Variants in RHOH observed in about 807,000 individuals in gnomAD.
RHOH encodes the protein rho-related GTP-binding protein RhoH.
A neutral mutation model predicts 13.8 loss-of-function variants in RHOH; 6 were observed. The ratio of observed to expected loss-of-function variants is 0.44; its 90% CI spans 0.24 to 0.86. RHOH has a LOEUF of 0.86. Among genes scored for constraint, RHOH ranks in the 40% least tolerant of loss-of-function variants. RHOH has a pLI of 0.24. For missense variants in RHOH, 147 were observed against 244.5 expected (o/e 0.60, Z 2.66); for synonymous variants, 117 against 103.0 (o/e 1.14, Z -0.82).
intron 1 of RHOH, among the ~76,000 whole-genome samples, chr4:40,214,020 G>T (rs1360774568): frequency 1.3e-5 from 2 of 152,170 alleles, no homozygotes; most frequent in East Asian, 3.8e-4. Flanking sequence ...GCTTCCCAAA[G>T]TGTTGGGATT....
At chr4:40,213,678 G>T (rs1479035009) in intron 1 of RHOH, among the ~76,000 whole-genome samples, 1 of 151,986 alleles carries the variant, frequency 6.6e-6, no homozygotes, top group East Asian at 1.9e-4. Flanking sequence ...CACTCAGATG[G>T]GTCATCTGAG....
At chr4:40,202,236 C>T (rs532583014) in intron 1 of RHOH, among the ~76,000 whole-genome samples, 6 of 152,146 alleles carry the variant, frequency 3.9e-5, no homozygotes, top group East Asian at 1.9e-4. Flanking sequence ...CACGTCACTG[C>T]GCACAGCCCA....
intron 1 of RHOH, among the ~76,000 whole-genome samples, chr4:40,231,621 C>T (rs774748240): frequency 9.9e-5 from 15 of 152,234 alleles, no homozygotes; most frequent in Non-Finnish European, 1.9e-4. Context: ...CCCAGGCCTA[C>T]AGCCTCAGAA....
intron 1 of RHOH, among the ~76,000 whole-genome samples, chr4:40,199,962 T>A (rs1723746301): frequency 1.3e-5 from 2 of 152,220 alleles, no homozygotes; most frequent in Non-Finnish European, 2.9e-5. Context: ...TGTGTGCAGA[T>A]GACGTGAGTC....
At chr4:40,194,021 T>C (rs2109328632), upstream of RHOH, among the ~76,000 whole-genome samples, 1 of 152,238 alleles carries the variant, frequency 6.6e-6, no homozygotes, top group East Asian at 1.9e-4. Context: ...ATGGAGGGGA[T>C]CTGTCCATAC....
chr4:40,192,741 A>G (rs144951487), upstream of RHOH, among the ~76,000 whole-genome samples: 98 of 152,244 alleles, frequency 6.4e-4, no homozygotes, highest in Non-Finnish European at 1.1e-3. Context: ...TGCACAGGGA[A>G]TCCTGGAGGG....
At chr4:40,205,147 C>G (rs2109374624) in intron 1 of RHOH, among the ~76,000 whole-genome samples, 1 of 152,290 alleles carries the variant, frequency 6.6e-6, no homozygotes. Flanking sequence ...GCCTGTAATC[C>G]TAGCTACTCT....
intron 1 of RHOH, among the ~76,000 whole-genome samples, chr4:40,225,254 G>A (rs1215784327): frequency 6.6e-6 from 1 of 152,142 alleles, no homozygotes; most frequent in Non-Finnish European, 1.5e-5. Flanking sequence ...TGGACTTACA[G>A]GCATGCACCA....
At chr4:40,210,421 C>T (rs989662469) in intron 1 of RHOH, among the ~76,000 whole-genome samples, 30 of 152,092 alleles carry the variant, frequency 2.0e-4, no homozygotes, top group African/African-American at 7.0e-4. Flanking sequence ...GCCATGTACT[C>T]CATTCAAGAC....
intron 1 of RHOH, among the ~76,000 whole-genome samples, chr4:40,214,557 C>A (rs1199894941): frequency 6.6e-6 from 1 of 152,166 alleles, no homozygotes; most frequent in East Asian, 1.9e-4. Context: ...GCTACCAAGG[C>A]AAGCCTAGGG....
intron 1 of RHOH, among the ~76,000 whole-genome samples, chr4:40,223,667 G>A (rs1726864121): frequency 6.7e-6 from 1 of 149,732 alleles, no homozygotes; most frequent in Admixed American, 6.7e-5. Flanking sequence ...GAGTCCCATT[G>A]TGTTGTCCAG....
intron 1 of RHOH, among the ~76,000 whole-genome samples, chr4:40,208,446 A>C (rs1724894720): frequency 6.6e-6 from 1 of 152,216 alleles, no homozygotes; most frequent in Admixed American, 6.5e-5. Context: ...GAAACTTTTA[A>C]ATTATAATCA....
intron 1 of RHOH, among the ~76,000 whole-genome samples, chr4:40,235,962 A>G (rs1462259459): frequency 1.4e-5 from 2 of 138,282 alleles, no homozygotes; most frequent in African/African-American, 6.3e-5. Context: ...AGCCTGGCAC[A>G]CAGAGTAAGA....
chr4:40,214,102 T>C (rs1208106179), intron 1 of RHOH, among the ~76,000 whole-genome samples: 1 of 152,214 alleles, frequency 6.6e-6, no homozygotes, highest in Non-Finnish European at 1.5e-5. Context: ...CATACAGTAC[T>C]GTGAAGACTT....
At chr4:40,191,569 T>C (rs1722711733), upstream of RHOH, among the ~76,000 whole-genome samples, 1 of 152,216 alleles carries the variant, frequency 6.6e-6, no homozygotes, top group Non-Finnish European at 1.5e-5. Context: ...ACAGACTTTT[T>C]AGAAAAAGTT....
intron 1 of RHOH, among the ~76,000 whole-genome samples, chr4:40,233,739 CAT>C (rs750199777): frequency 3.9e-5 from 6 of 152,036 alleles, no homozygotes; most frequent in Non-Finnish European, 5.9e-5. Flanking sequence ...ATAATTTTCA[CAT>C]GTCATAAAAT....
In RHOH at chr4:40,243,621, G is replaced by T. The variant is rs1173373392; in HGVS notation, c.235G>T (p.Val79Leu). The change falls in exon 3 of 3, where the codon GTG (valine) becomes TTG (leucine). Residue 79 changes from valine to leucine, a missense_variant. Coordinates refer to ENST00000381799, the MANE Select transcript of RHOH (RefSeq NM_004310.5). The surrounding 1 kb of genome is among the most constrained non-coding windows in gnomAD (Gnocchi z 6.2). ...RPLSYQQADV[V>L]LMCYSVANHN... ...CCTGTCCTACCAGCAGGCAGACGTG[G>T]TGCTGATGTGCTACTCTGTGGCCAA... The T allele has an allele frequency of 6.2e-7, 1 of 1,614,098 alleles. No individual in the cohort carries two copies. The highest frequency in any genetic ancestry group is 8.5e-7 in the Non-Finnish European group (1 of 1,180,050).
chr4:40,237,203 G>A (rs7681717), intron 1 of RHOH, among the ~76,000 whole-genome samples: 99,685 of 151,996 alleles, frequency 0.66, 34,645 homozygotes, highest in Non-Finnish European at 0.78. Flanking sequence ...CTGTAATCCC[G>A]GCACTTTGGG....
At chr4:40,204,834 T>C (rs956517097) in intron 1 of RHOH, among the ~76,000 whole-genome samples, 2 of 152,224 alleles carry the variant, frequency 1.3e-5, no homozygotes, top group African/African-American at 4.8e-5. Context: ...AGATAACATA[T>C]GATTAATGCT....
Sources: gnomAD v4.1 joint callset for allele counts (sites outside exome capture counted in the v4.1 genomes callset) on GRCh38, gnomAD v4.1.1 for gene constraint, Gnocchi (gnomAD v3.1) non-coding constraint, MANE v1.5 for transcripts, NCBI Gene and HGNC (gene_info 2026-07-23, HGNC 2026-07-21) for gene names.